Variants in EPN2 observed in about 807,000 individuals in gnomAD.
EPN2 encodes epsin 2, also known as epsin-2.
EPN2 carries 34 observed loss-of-function variants against 61.7 expected under a neutral mutation model. The observed-to-expected ratio is 0.55, with a 90% CI of 0.42 to 0.73. The LOEUF (loss-of-function observed/expected upper bound fraction) is 0.73. Among genes scored for constraint, EPN2 ranks in the 30% least tolerant of loss-of-function variants. EPN2 has a pLI of 0.00. For synonymous variants in EPN2, 349 were observed against 353.6 expected, an observed-to-expected ratio of 0.99 and a Z score of 0.15; for missense variants, 714 against 839.2, an observed-to-expected ratio of 0.85 and a Z score of 1.84.
At chr17:19,306,970 G>T (rs925189169) in intron 4 of EPN2, among the ~76,000 whole-genome samples, 3 of 152,144 alleles carry the variant, frequency 2.0e-5, no homozygotes, top group Non-Finnish European at 4.4e-5. Context: ...AATGATTTGG[G>T]TGTGAGTGCC....
Position 19,313,152 on chromosome 17 carries a change from T to G in EPN2, c.1020T>G (p.Ala340=), listed in dbSNP as rs774036660. The change falls in exon 7 of 11, where the codon GCT becomes GCG. Residue 340 remains alanine (A), a synonymous_variant. Coordinates refer to ENST00000314728, the MANE Select transcript of EPN2 (RefSeq NM_014964.5). ...QQTTLLDLMD[A]LPSSGPAAQK... The stretch of plus-strand genomic sequence containing the variant: ...CTACGCTGTTGGATTTAATGGATGC[T>G]CTCCCCAGCTCGGGCCCCGCGGCCC... 1 of 1,613,714 alleles carries G rather than the reference T, an allele frequency of 6.2e-7. No homozygotes were observed. Among genetic ancestry groups the G allele is most frequent in the Non-Finnish European group, 8.5e-7 (1 of 1,179,784 alleles).
intron 4 of EPN2, among the ~76,000 whole-genome samples, chr17:19,287,175 G>A (rs1567855052): frequency 6.6e-6 from 1 of 151,898 alleles, no homozygotes; most frequent in East Asian, 1.9e-4. Context: ...GCTGTCTTTG[G>A]CCCTGCCTCT....
chr17:19,259,308 CTTT>C (rs776768357), intron 1 of EPN2, among the ~76,000 whole-genome samples: 1 of 96,192 alleles, frequency 1.0e-5, no homozygotes, highest in Admixed American at 1.2e-4. Flanking sequence ...AGTGTTGGGT[CTTT>C]TTTTTTTTTT....
At position 19,289,077 on chromosome 17, in the gene EPN2, T is replaced by TTG. The variant is rs1193110949; in HGVS notation, c.766+3288_766+3289insGT. Among the ~76,000 whole-genome samples, 197 of 121,142 alleles carry TTG rather than the reference T, an allele frequency of 1.6e-3. 12 individuals carry two copies. The highest frequency in any genetic ancestry group is 7.6e-3 in the African/African-American group (194 of 25,580). The allele number at this position is 121,142 out of a possible 152,430, so 79.5% of individuals were successfully genotyped here. On this transcript the variant is annotated intron_variant, in intron 4 of 10. Coordinates refer to ENST00000314728, the MANE Select transcript of EPN2 (RefSeq NM_014964.5). ...GCAGTAGCCAGGTTCTGGGTATGTT[T>TTG]TTTTTTTTTTTTTTTTTTTTTTTTT...
intron 8 of EPN2, chr17:19,329,100 T>C: frequency 2.0e-6 from 1 of 509,184 alleles, no homozygotes. Flanking sequence ...GGTACCTCCC[T>C]CCAAATTGAG....
rs545707352 is a variant in EPN2, at chr17:19,304,102, C to CAAAA, written c.767-5780_767-5777dup. Among the ~76,000 whole-genome samples the CAAAA allele has an allele frequency of 5.7e-3, 213 of 37,224 alleles. 3 individuals carry two copies. The East Asian group carries it at 0.064, about 11-fold the overall frequency. The allele number at this position is 37,224 out of a possible 152,430, so 24.4% of individuals were successfully genotyped here. A position where few individuals can be genotyped will look rare whatever the true frequency, so the allele number is the denominator to read the frequency against. ...TAGGTGACAGAGTGAGACTCCGTCT[C>CAAAA]AAAAAATAAATAAATAAATAACCTG... On this transcript the variant is annotated intron_variant, in intron 4 of 10. Coordinates refer to ENST00000314728, the MANE Select transcript of EPN2 (RefSeq NM_014964.5).
chr17:19,288,865 T>C (rs1177113763), intron 4 of EPN2, among the ~76,000 whole-genome samples: 1 of 152,152 alleles, frequency 6.6e-6, no homozygotes, highest in Non-Finnish European at 1.5e-5. Context: ...GTGCTGGGCC[T>C]TCTGGGTTTA....
intron 3 of EPN2, among the ~76,000 whole-genome samples, chr17:19,284,177 C>T (rs2045383302): frequency 6.6e-6 from 1 of 152,164 alleles, no homozygotes. Flanking sequence ...TTGAATGGCT[C>T]AGTATTATTC....
intron 7 of EPN2, among the ~76,000 whole-genome samples, chr17:19,316,140 A>T (rs1906373919): frequency 1.3e-5 from 2 of 152,228 alleles, no homozygotes; most frequent in African/African-American, 4.8e-5. Context: ...TCAGCAATTG[A>T]TGGATATTTG....
chr17:19,260,638 T>A (rs887048094), intron 1 of EPN2, among the ~76,000 whole-genome samples: 1 of 151,724 alleles, frequency 6.6e-6, no homozygotes, highest in Non-Finnish European at 1.5e-5. Context: ...TTTTTTTTTT[T>A]AATGAAATGC....
intron 1 of EPN2, among the ~76,000 whole-genome samples, chr17:19,251,181 C>G (rs886944822): frequency 1.3e-5 from 2 of 152,228 alleles, no homozygotes; most frequent in African/African-American, 4.8e-5. Context: ...AGTTGAACAT[C>G]TGTGTGCCTT....
chr17:19,310,950 C>T (rs1906109031), intron 5 of EPN2, among the ~76,000 whole-genome samples: 1 of 152,086 alleles, frequency 6.6e-6, no homozygotes, highest in Non-Finnish European at 1.5e-5. Context: ...AGTGGCCTTA[C>T]AAATTGTCAA....
intron 1 of EPN2, among the ~76,000 whole-genome samples, chr17:19,239,555 ATTC>A (rs1188926508): frequency 1.3e-5 from 2 of 152,206 alleles, no homozygotes; most frequent in African/African-American, 4.8e-5. Context: ...TCACTGGGCT[ATTC>A]TTTTGTAAGC....
chr17:19,283,750 G>GCTTTGC lies in EPN2; in HGVS notation c.595+37_595+38insTTTGCC. The GCTTTGC allele has an allele frequency of 2.0e-6, 3 of 1,476,836 alleles. No individual in the cohort carries two copies. In the East Asian group the frequency reaches 7.0e-5, roughly 35 times the overall value. The allele number at this position is 1,476,836 out of a possible 1,614,324, so 91.5% of individuals were successfully genotyped here. A position where few individuals can be genotyped will look rare whatever the true frequency, so the allele number is the denominator to read the frequency against. ...GAAGTGCTTCTCACCCTTTGCCAGA[G>GCTTTGC]CAGCAGCAATGGGTGACAGGCAGGG... On this transcript the variant is annotated intron_variant, in intron 3 of 10. Transcript: ENST00000314728. This position sits in a 1 kb window ranked among gnomAD's most constrained non-coding sequence, Gnocchi z 7.0.
rs530489459 is a variant in EPN2 at position 19,322,340 on chromosome 17, C to T, written c.1148-6371C>T. On this transcript the variant is annotated intron_variant, in intron 7 of 10. Transcript: ENST00000314728. The stretch of plus-strand genomic sequence containing the variant: ...TTTGGCCTGGCCAGGCCCCCATCGC[C>T]GGGGCAAGCTTGGGAAGGAGTGAAG... 2.4e-3 allele frequency among the ~76,000 whole-genome samples: 366 copies of T among 152,206 alleles called. 5 individuals carry two copies. Among genetic ancestry groups the T allele is most frequent in the Non-Finnish European group, 4.4e-3 (297 of 67,988 alleles).
At position 19,283,680 on chromosome 17, in the gene EPN2, C is replaced by T; in HGVS notation, c.561C>T (p.Gly187=). 1 of 1,608,402 alleles carries T rather than the reference C, an allele frequency of 6.2e-7. No homozygotes were observed. Among genetic ancestry groups the T allele is most frequent in the Non-Finnish European group, 8.5e-7 (1 of 1,176,800 alleles). Residue 187 remains glycine, a synonymous_variant, in exon 3 of 11, where the codon GGC becomes GGT. Coordinates refer to ENST00000314728, the MANE Select transcript of EPN2 (RefSeq NM_014964.5). This position sits in a 1 kb window ranked among gnomAD's most constrained non-coding sequence, Gnocchi z 7.0. ...CCAGCCACTCGGAGCAGGAGTATGG[C>T]AAGGCCGGGGGCTCCCCGGCCTCCT... ...LSTSHSEQEY[G]KAGGSPASYH...
intron 1 of EPN2, among the ~76,000 whole-genome samples, chr17:19,245,819 C>T (rs1049644709): frequency 7.2e-5 from 11 of 151,972 alleles, no homozygotes; most frequent in African/African-American, 1.4e-4. Flanking sequence ...CGTACCACCA[C>T]GCCTGGGTAA....
At chr17:19,321,198 C>G (rs148082245) in intron 7 of EPN2, among the ~76,000 whole-genome samples, 74 of 152,244 alleles carry the variant, frequency 4.9e-4, no homozygotes, top group African/African-American at 1.6e-3. Context: ...CCAGTTTGTT[C>G]GAGATGTGAT....
In EPN2 at chr17:19,289,076, T is replaced by G. The variant is rs1229718790; in HGVS notation, c.766+3286T>G. 2.6e-4 allele frequency among the ~76,000 whole-genome samples: 30 copies of G among 116,074 alleles called. 1 individual carries two copies. 76.1% of individuals were successfully genotyped at this position (116,074 alleles called of 152,430 possible). A position where few individuals can be genotyped will look rare whatever the true frequency, so the allele number is the denominator to read the frequency against. On this transcript the variant is annotated intron_variant, in intron 4 of 10. Coordinates refer to ENST00000314728, the MANE Select transcript of EPN2 (RefSeq NM_014964.5). ...GGCAGTAGCCAGGTTCTGGGTATGT[T>G]TTTTTTTTTTTTTTTTTTTTTTTTT...
Sources: gnomAD v4.1 joint callset for allele counts (sites outside exome capture counted in the v4.1 genomes callset) on GRCh38, gnomAD v4.1.1 for gene constraint, Gnocchi (gnomAD v3.1) non-coding constraint, MANE v1.5 for transcripts, NCBI Gene and HGNC (gene_info 2026-07-23, HGNC 2026-07-21) for gene names.